DOCK9: variants seen among roughly 807,000 people sequenced by gnomAD.
DOCK9 encodes dedicator of cytokinesis 9.
In DOCK9, 89 loss-of-function variants were observed where a neutral mutation model predicts 263.3. The ratio of observed to expected loss-of-function variants is 0.34; its 90% CI spans 0.28 to 0.40. DOCK9 has a LOEUF of 0.40. DOCK9 is among the 10% of genes least tolerant of loss of function. DOCK9 has a pLI of 1.00. For synonymous variants in DOCK9, 976 were observed against 973.1 expected (o/e 1.00, Z -0.06); for missense variants, 2,140 against 2,603.4 (o/e 0.82, Z 3.87).
At chr13:98,813,426 T>G (rs1314851828) in intron 45 of DOCK9, among the ~76,000 whole-genome samples, 1 of 152,132 alleles carries the variant, frequency 6.6e-6, no homozygotes, top group Admixed American at 6.5e-5. Flanking sequence ...AAATTATGAA[T>G]AGATGTTGAA....
chr13:98,863,238 T>C (rs2093927436), intron 31 of DOCK9, 106 bp from the exon 32 acceptor site: 12 of 1,493,230 alleles, frequency 8.0e-6, no homozygotes, highest in Non-Finnish European at 1.1e-5. Flanking sequence ...AAGACAGATA[T>C]TTGATTTTAG....
chr13:98,880,680 GA>G lies in DOCK9; in HGVS notation c.2746-9del, dbSNP rs763238665. On this transcript the variant is annotated splice_polypyrimidine_tract_variant and intron_variant, in intron 25 of 52. Transcript: ENST00000682017. Reference sequence around the variant, plus strand: ...CTCAGCCTTATACGCGTACTTTGAAGAAAAGAGAAAGAGACTTTAATGCACT... The same window carrying G: ...CTCAGCCTTATACGCGTACTTTGAAGAAAGAGAAAGAGACTTTAATGCACT... 136 of 1,612,450 alleles carry G rather than the reference GA, an allele frequency of 8.4e-5. 1 individual carries two copies. In the South Asian group the frequency reaches 1.4e-3, roughly 17 times the overall value.
intron 23 of DOCK9, among the ~76,000 whole-genome samples, chr13:98,882,683 A>G (rs1219510608): frequency 6.6e-6 from 1 of 152,166 alleles, no homozygotes; most frequent in African/African-American, 2.4e-5. Context: ...AGTTTATAGT[A>G]TCTCCTACAA....
At chr13:98,842,411 T>A (rs2141259356) in intron 38 of DOCK9, among the ~76,000 whole-genome samples, 1 of 152,356 alleles carries the variant, frequency 6.6e-6, no homozygotes, top group African/African-American at 2.4e-5. Context: ...TTTAACTGCC[T>A]TTTAGATCAA....
At position 98,825,771 on chromosome 13, in the gene DOCK9, A is replaced by C; in HGVS notation, c.5023+1059T>G. 1.4e-6 allele frequency: 1 copy of C among 720,740 alleles called. No individual in the cohort carries two copies. The highest frequency in any genetic ancestry group is 2.1e-6 in the Non-Finnish European group (1 of 475,580). 44.6% of individuals were successfully genotyped at this position (720,740 alleles called of 1,614,324 possible). ...CACAGAGTAGGAGGGAAGGAGAGTG[A>C]AGTCTGTCCATGCAAAGTTAAAAGG... On this transcript the variant is annotated intron_variant, in intron 44 of 52. Transcript: ENST00000682017. This position sits in a 1 kb window ranked among gnomAD's most constrained non-coding sequence, Gnocchi z 4.1.
intron 45 of DOCK9, among the ~76,000 whole-genome samples, chr13:98,814,943 A>ATAACACAACATAAC (rs1566576506): frequency 3.0e-5 from 1 of 33,070 alleles, no homozygotes; most frequent in Admixed American, 2.0e-4. Context: ...CTCAAAATAA[A>ATAACACAACATAAC]ATAAAATAAA....
At chr13:98,834,312 T>C (rs1292161504) in intron 39 of DOCK9, 2 of 152,224 alleles carry the variant, frequency 1.3e-5, no homozygotes, top group Non-Finnish European at 2.9e-5. Context: ...GACAGTTTTA[T>C]GTACACAATT....
chr13:98,910,072 C>T (rs1213920709), intron 9 of DOCK9, among the ~76,000 whole-genome samples: 1 of 152,154 alleles, frequency 6.6e-6, no homozygotes, highest in Non-Finnish European at 1.5e-5. Flanking sequence ...AATAAAAGCT[C>T]ACAAACAGAA....
At chr13:98,898,526 C>T (rs984849652) in intron 13 of DOCK9, among the ~76,000 whole-genome samples, 3 of 152,182 alleles carry the variant, frequency 2.0e-5, no homozygotes, top group Non-Finnish European at 2.9e-5. Flanking sequence ...TTACGGGCAA[C>T]AAACATGCTG....
chr13:98,924,595 T>G (rs1391700724), intron 4 of DOCK9, among the ~76,000 whole-genome samples: 1 of 152,216 alleles, frequency 6.6e-6, no homozygotes, highest in East Asian at 1.9e-4. Context: ...ATGGGGCAGA[T>G]CCATCATGAG....
intron 1 of DOCK9, among the ~76,000 whole-genome samples, chr13:98,962,541 A>C (rs891354408): frequency 1.3e-5 from 2 of 152,176 alleles, no homozygotes; most frequent in Non-Finnish European, 2.9e-5. Flanking sequence ...AACTGAGTCA[A>C]TGCATGGAAA....
intron 21 of DOCK9, 119 bp downstream of exon 21, chr13:98,884,852 A>G (rs1185484746): frequency 6.6e-6 from 8 of 1,205,516 alleles, no homozygotes; most frequent in Middle Eastern, 2.8e-4. Flanking sequence ...TGAATAACTA[A>G]TATCAAAATG....
At chr13:98,902,157 T>A in intron 12 of DOCK9, 131 bp downstream of exon 12, 1 of 1,052,824 alleles carries the variant, frequency 9.5e-7, no homozygotes, top group East Asian at 2.6e-5. Context: ...TGTCTAATAA[T>A]AAATACTATT....
Position 99,021,325 on chromosome 13 carries a change from T to G in DOCK9, c.129+64898A>C, listed in dbSNP as rs1007996144. Among the ~76,000 whole-genome samples, 7 of 152,336 alleles carry G rather than the reference T, an allele frequency of 4.6e-5. No homozygotes were observed. In the South Asian group the frequency reaches 1.2e-3, roughly 27 times the overall value. On this transcript the variant is annotated intron_variant, in intron 1 of 32. Coordinates refer to the DOCK9 transcript ENST00000427887. ...TATAGCAAATTCAAACAACAAATTT[T>G]ATTTTTGTTGAAAAAATGATTTAAA...
At chr13:98,879,828 G>T (rs61968719) in intron 27 of DOCK9, 70 bp downstream of exon 27, 3 of 1,306,086 alleles carry the variant, frequency 2.3e-6, no homozygotes, top group Middle Eastern at 1.9e-4. Flanking sequence ...ATGAAGAAAC[G>T]TTCACTACAA....
In DOCK9 at chr13:98,848,218, CT is replaced by C. The variant is rs1271790880; in HGVS notation, c.4061+373del. On this transcript the variant is annotated intron_variant, in intron 37 of 52. Transcript: ENST00000682017. ...TGGGAGCAGGAACAGTCAAAATGAC[CT>C]TGGAAAGTCAAACAGAGGAAGAGAA... Among the ~76,000 whole-genome samples the C allele has an allele frequency of 3.9e-5, 6 of 152,178 alleles. No homozygotes were observed. The East Asian group carries it at 9.6e-4, about 24-fold the overall frequency.
At chr13:98,885,469 G>A (rs762335537) in intron 20 of DOCK9, 5 of 546,906 alleles carry the variant, frequency 9.1e-6, no homozygotes, top group Non-Finnish European at 1.6e-5. Flanking sequence ...GCCAGTGGGT[G>A]TGGTGCGTGC....
rs538316605 is a variant in DOCK9, at chr13:98,885,175, C to A, written c.2261-83G>T. The A allele has an allele frequency of 2.6e-6, 4 of 1,547,546 alleles. No homozygotes were observed. In the African/African-American group the frequency reaches 5.5e-5, roughly 21 times the overall value. ...TGAAAGCAAGCCAATGTAAAACCGT[C>A]TGATTTTTAAGAACTTTTCCTATCA... is the stretch of plus-strand genomic sequence containing the variant. On this transcript the variant is annotated intron_variant, in intron 20 of 52. Transcript: ENST00000682017.
intron 1 of DOCK9, among the ~76,000 whole-genome samples, chr13:98,994,096 A>G (rs537495900): frequency 2.0e-5 from 3 of 152,226 alleles, no homozygotes; most frequent in African/African-American, 4.8e-5. Context: ...AAAACTTTAA[A>G]ATAAAAAAAT....
Sources: allele counts gnomAD v4.1 joint callset (sites outside exome capture counted in the v4.1 genomes callset), GRCh38; gene constraint gnomAD v4.1.1; non-coding constraint Gnocchi (gnomAD v3.1); transcripts MANE v1.5; gene names NCBI Gene and HGNC (gene_info 2026-07-23, HGNC 2026-07-21).